INSR: variants seen among roughly 807,000 people sequenced by gnomAD.
INSR encodes IR.
A neutral mutation model predicts 142.6 loss-of-function variants in INSR; 67 were observed. The ratio of observed to expected loss-of-function variants is 0.47; its 90% CI spans 0.39 to 0.58. INSR has a LOEUF of 0.58. INSR is among the 20% of genes least tolerant of loss of function. The pLI is 0.00. For synonymous variants in INSR, 756 were observed against 743.1 expected (o/e 1.02, Z -0.28); for missense variants, 1,248 against 1,833.2 (o/e 0.68, Z 5.83).
intron 13 of INSR, among the ~76,000 whole-genome samples, chr19:7,134,910 A>G (rs999710716): frequency 6.6e-6 from 1 of 152,018 alleles, no homozygotes; most frequent in Non-Finnish European, 1.5e-5. Flanking sequence ...GTAACTAGAG[A>G]TAATTCCAGA....
At chr19:7,235,830 AAATAATAATAAC>A (rs1328140115) in intron 2 of INSR, among the ~76,000 whole-genome samples, 2 of 152,122 alleles carry the variant, frequency 1.3e-5, no homozygotes, top group Non-Finnish European at 2.9e-5. Context: ...CTATCTCTAA[AAATAATAATAAC>A]AATAATAATA....
At position 7,192,080 on chromosome 19, in the gene INSR, GAA is replaced by G. The variant is rs1447940132; in HGVS notation, c.653-7445_653-7444del. Among the ~76,000 whole-genome samples, 1 of 142,982 alleles carries G rather than the reference GAA, an allele frequency of 7.0e-6. No individual in the cohort carries two copies. The highest frequency in any genetic ancestry group is 2.0e-4 in the East Asian group (1 of 5,004). 93.8% of individuals were successfully genotyped at this position (142,982 alleles called of 152,430 possible). A position where few individuals can be genotyped will look rare whatever the true frequency, so the allele number is the denominator to read the frequency against. On this transcript the variant is annotated intron_variant, in intron 2 of 21. Transcript: ENST00000302850. This position sits in a 1 kb window ranked among gnomAD's most constrained non-coding sequence, Gnocchi z 4.2. Reference sequence around the variant, plus strand: ...AGAAAGAAAGAAGGAAAGAAAGAGAGAAAGAAGAAAGAATACAGAAAGAGAAA... The same window carrying G: ...AGAAAGAAAGAAGGAAAGAAAGAGAGAGAAGAAAGAATACAGAAAGAGAAA...
At chr19:7,179,159 A>G (rs1173624415) in intron 3 of INSR, among the ~76,000 whole-genome samples, 2 of 152,202 alleles carry the variant, frequency 1.3e-5, no homozygotes, top group African/African-American at 4.8e-5. Flanking sequence ...TGAGCCTCCC[A>G]CCATGGCCTC....
chr19:7,266,340 C>G (rs928099372), intron 2 of INSR, among the ~76,000 whole-genome samples: 8 of 151,830 alleles, frequency 5.3e-5, no homozygotes, highest in Non-Finnish European at 1.2e-4. Context: ...AAAGCTTTGA[C>G]TCTAAAATGT....
At chr19:7,174,775 G>C in intron 3 of INSR, 44 bp from the exon 4 acceptor site, 1 of 1,590,136 alleles carries the variant, frequency 6.3e-7, no homozygotes, top group Non-Finnish European at 8.6e-7. Context: ...AGGGGAGGGG[G>C]GTGTCACGGT....
At chr19:7,167,657 C>G (rs1211181849) in intron 7 of INSR, among the ~76,000 whole-genome samples, 1 of 152,010 alleles carries the variant, frequency 6.6e-6, no homozygotes, top group Non-Finnish European at 1.5e-5. Flanking sequence ...GACTGAGCTC[C>G]TGACTACTAA....
At chr19:7,152,516 T>TAAAA (rs1371102192) in intron 10 of INSR, 31 of 626,178 alleles carry the variant, frequency 5.0e-5, no homozygotes, top group Non-Finnish European at 5.7e-6. Flanking sequence ...TTTCCCCTTT[T>TAAAA]GTGCGATTAT....
rs1420811877 is a variant in INSR, at chr19:7,114,100, T to C, written c.*2956A>G. On this transcript the variant is annotated 3_prime_UTR_variant, in exon 22 of 22. Coordinates refer to ENST00000302850, the MANE Select transcript of INSR (RefSeq NM_000208.4). ...GTTCAGCACATTAATGGGTTTTGGA[T>C]TGGAATTTCCCTCACATGCTCCCAT... The C allele has an allele frequency of 2.0e-5, 3 of 148,682 alleles. No individual in the cohort carries two copies. The highest frequency in any genetic ancestry group is 1.3e-4 in the Admixed American group (2 of 14,958). 9.2% of individuals were successfully genotyped at this position (148,682 alleles called of 1,614,324 possible). A position where few individuals can be genotyped will look rare whatever the true frequency, so the allele number is the denominator to read the frequency against.
intron 2 of INSR, among the ~76,000 whole-genome samples, chr19:7,233,678 T>TTTC (rs1438811448): frequency 7.4e-6 from 1 of 135,392 alleles, no homozygotes; most frequent in African/African-American, 2.7e-5. Flanking sequence ...CTTTTTTTTT[T>TTTC]TTTTTTTTTT....
chr19:7,136,210 C>G (rs1337864226), intron 13 of INSR, among the ~76,000 whole-genome samples: 1 of 151,964 alleles, frequency 6.6e-6, no homozygotes, highest in Non-Finnish European at 1.5e-5. Flanking sequence ...TGCCCTGGTA[C>G]CAGGCTGGGG....
intron 21 of INSR, among the ~76,000 whole-genome samples, chr19:7,118,438 C>T (rs2144793009): frequency 6.6e-6 from 1 of 151,988 alleles, no homozygotes; most frequent in Non-Finnish European, 1.5e-5. Context: ...CTGCCTCAGC[C>T]TCCTGAGTAG....
chr19:7,119,350 G>T lies in INSR; in HGVS notation c.3794+99C>A. 1 of 1,322,596 alleles carries T rather than the reference G, an allele frequency of 7.6e-7. No homozygotes were observed. The highest frequency in any genetic ancestry group is 1.1e-6 in the Non-Finnish European group (1 of 915,998). 81.9% of individuals were successfully genotyped at this position (1,322,596 alleles called of 1,614,324 possible). A position where few individuals can be genotyped will look rare whatever the true frequency, so the allele number is the denominator to read the frequency against. ...GTAACATACAGCATGCAAACACGGTGAGCGTGTAGACATAGGAAAGGCAAA... is the reference window on the plus strand; with the variant it reads ...GTAACATACAGCATGCAAACACGGTTAGCGTGTAGACATAGGAAAGGCAAA... On this transcript the variant is annotated intron_variant, in intron 21 of 21. Transcript: ENST00000302850. The surrounding 1 kb of genome is among the most constrained non-coding windows in gnomAD (Gnocchi z 5.2).
Position 7,120,702 on chromosome 19 carries a change from C to G in INSR, c.3577G>C (p.Gly1193Arg), listed in dbSNP as rs1431315989. Residue 1193 changes from glycine to arginine, a missense_variant, in exon 20 of 22, where the codon GGG becomes CGG. Physicochemically the swap from Gly to Arg is moderately radical, Grantham distance 125. Around this residue, in one of 3 missense-constraint regions of INSR, gnomAD observed 1,069 missense variants for 1,654.0 expected, o/e 0.65. Coordinates refer to ENST00000302850, the MANE Select transcript of INSR (RefSeq NM_000208.4). ...DIYETDYYRKGGKGLLPVRWM... is the reference protein window; with the variant it reads ...DIYETDYYRKRGKGLLPVRWM... ...CGTACAGGGAGCAGACCCTTGCCCC[C>G]TTTCCGGTAGTAATCCGTTTCATAG... The G allele has an allele frequency of 1.9e-6, 3 of 1,614,044 alleles. No individual in the cohort carries two copies. In the African/African-American group the frequency reaches 4.0e-5, roughly 22 times the overall value.
chr19:7,158,308 G>A (rs1290073217), intron 9 of INSR, among the ~76,000 whole-genome samples: 4 of 151,896 alleles, frequency 2.6e-5, no homozygotes, highest in Admixed American at 2.6e-4. Context: ...AGACCATCCT[G>A]GCTAACATGG....
chr19:7,277,797 T>TA (rs1392695028), intron 1 of INSR, among the ~76,000 whole-genome samples: 2 of 123,892 alleles, frequency 1.6e-5, no homozygotes, highest in Non-Finnish European at 3.5e-5. Context: ...ACACTATTTC[T>TA]AAAAAAAACC....
chr19:7,153,356 C>CACACCACACAT (rs1973484925), intron 9 of INSR, among the ~76,000 whole-genome samples: 1 of 105,400 alleles, frequency 9.5e-6, no homozygotes, highest in African/African-American at 5.1e-5. Flanking sequence ...ACAGACCACA[C>CACACCACACAT]ACCACACACC....
chr19:7,237,755 A>G (rs528433499), intron 2 of INSR, among the ~76,000 whole-genome samples: 8 of 152,148 alleles, frequency 5.3e-5, no homozygotes, highest in Non-Finnish European at 2.9e-5. Context: ...GGTGGAGCTT[A>G]CAGTGAGCGA....
In INSR at chr19:7,161,291, G is replaced by A. The variant is rs113219336; in HGVS notation, c.2029+1741C>T. Among the ~76,000 whole-genome samples the A allele has an allele frequency of 9.8e-3, 1,470 of 150,334 alleles. 18 individuals are homozygous for A. The highest frequency in any genetic ancestry group is 0.032 in the African/African-American group (1,324 of 40,894). ...TTTATATATATAGAGACAGGGTCTC[G>A]CTCTGTCACCCAGGCTGGAGTGCAC... On this transcript the variant is annotated intron_variant, in intron 9 of 21. Coordinates refer to ENST00000302850, the MANE Select transcript of INSR (RefSeq NM_000208.4).
intron 1 of INSR, among the ~76,000 whole-genome samples, chr19:7,274,627 C>T (rs377220476): frequency 6.8e-4 from 103 of 151,590 alleles, no homozygotes; most frequent in African/African-American, 2.1e-3. Context: ...TGTGAAACCC[C>T]GTCTCTACTA....
Sources: gnomAD v4.1 joint callset for allele counts (sites outside exome capture counted in the v4.1 genomes callset) on GRCh38, gnomAD v4.1.1 for gene constraint, gnomAD v4.1.1 regional missense constraint, Gnocchi (gnomAD v3.1) non-coding constraint, MANE v1.5 for transcripts, NCBI Gene and HGNC (gene_info 2026-07-23, HGNC 2026-07-21) for gene names.